ELL: variants seen among roughly 807,000 people sequenced by gnomAD.
ELL encodes the protein RNA polymerase II elongation factor ELL.
A neutral mutation model predicts 64.0 loss-of-function variants in ELL; 18 were observed. That is an observed-to-expected ratio of 0.28 (90% CI 0.19 to 0.42). ELL has a LOEUF of 0.42. Among genes scored for constraint, ELL ranks in the 10% least tolerant of loss-of-function variants. The pLI is 1.00. For missense variants in ELL, 797 were observed against 870.4 expected (o/e 0.92, Z 1.06); for synonymous variants, 399 against 376.2 (o/e 1.06, Z -0.70).
intron 1 of ELL, among the ~76,000 whole-genome samples, chr19:18,483,889 G>C (rs986505025): frequency 2.6e-5 from 4 of 152,208 alleles, no homozygotes; most frequent in Admixed American, 1.3e-4. Context: ...GCATGGCCCA[G>C]GCCTGCTTCC....
Position 18,443,706 on chromosome 19 carries a change from C to T in ELL, c.*1046G>A. ...GCCTGCACCCCCAGAGCAGGCAGAC[C>T]CATCCTCCTGGCTCCCCAGCTCTGC... On this transcript the variant is annotated 3_prime_UTR_variant, in exon 12 of 12. Coordinates refer to ENST00000262809, the MANE Select transcript of ELL (RefSeq NM_006532.4). 4.3e-6 allele frequency: 1 copy of T among 233,252 alleles called. No individual in the cohort carries two copies. Among genetic ancestry groups the T allele is most frequent in the Non-Finnish European group, 8.5e-6 (1 of 117,934 alleles). 14.4% of individuals were successfully genotyped at this position (233,252 alleles called of 1,614,324 possible). A position where few individuals can be genotyped will look rare whatever the true frequency, so the allele number is the denominator to read the frequency against.
Position 18,458,350 on chromosome 19 carries a change from T to G in ELL, c.745-21A>C, listed in dbSNP as rs561148008. On this transcript the variant is annotated intron_variant, in intron 5 of 11. Transcript: ENST00000262809. ...GCCACCTGCAAGACAGAGCCAGCCA[T>G]CACTTTGTGGGAATCCTGAGAGAGA... 7.5e-6 allele frequency: 12 copies of G among 1,603,590 alleles called. No individual in the cohort carries two copies. The South Asian group carries it at 1.3e-4, about 18-fold the overall frequency.
intron 6 of ELL, among the ~76,000 whole-genome samples, chr19:18,451,958 T>G (rs1974549257): frequency 6.6e-6 from 1 of 152,140 alleles, no homozygotes; most frequent in Admixed American, 6.5e-5. Context: ...AAGACAGCTG[T>G]TCATCCTGTT....
In ELL at chr19:18,444,482, G is replaced by C; in HGVS notation, c.*270C>G. 7.0e-6 allele frequency: 3 copies of C among 428,366 alleles called. No individual in the cohort carries two copies. Among genetic ancestry groups the C allele is most frequent in the Non-Finnish European group, 1.3e-5 (3 of 238,690 alleles). 26.5% of individuals were successfully genotyped at this position (428,366 alleles called of 1,614,324 possible). The stretch of plus-strand genomic sequence containing the variant: ...GGCCTAGGAGTCTTCTGGCGAGACA[G>C]GAGGCTGAACCCCGGAGGCTGCAGC... On this transcript the variant is annotated 3_prime_UTR_variant, in exon 12 of 12. Transcript: ENST00000262809.
rs1297816686 is a variant in ELL, at chr19:18,477,797, T to C, written c.136-4915A>G. 2.0e-5 allele frequency among the ~76,000 whole-genome samples: 3 copies of C among 152,304 alleles called. No individual in the cohort carries two copies. In the East Asian group the frequency reaches 5.8e-4, roughly 29 times the overall value. ...GGGAGAGTGACCCTAAATGGACCTA[T>C]GGATTTGCAGAGGATGACGCGGGCA... On this transcript the variant is annotated intron_variant, in intron 1 of 11. Coordinates refer to ENST00000262809, the MANE Select transcript of ELL (RefSeq NM_006532.4).
chr19:18,450,991 G>A lies in ELL; in HGVS notation c.967-16C>T, dbSNP rs372861270. The A allele has an allele frequency of 5.8e-5, 88 of 1,513,526 alleles. No homozygotes were observed. In the East Asian group the frequency reaches 8.2e-4, roughly 14 times the overall value. 93.8% of individuals were successfully genotyped at this position (1,513,526 alleles called of 1,614,324 possible). A position where few individuals can be genotyped will look rare whatever the true frequency, so the allele number is the denominator to read the frequency against. ...GCAGCCGCTTCTGGAGAGGAGCAGA[G>A]ATCATTTTAGAGGGGAGCACAGAGT... On this transcript the variant is annotated splice_polypyrimidine_tract_variant and intron_variant, in intron 7 of 11. Transcript: ENST00000262809.
At chr19:18,471,984 C>CA (rs1285660613) in intron 2 of ELL, among the ~76,000 whole-genome samples, 2 of 151,196 alleles carry the variant, frequency 1.3e-5, no homozygotes, top group African/African-American at 4.9e-5. Context: ...TTTTTTGAGA[C>CA]AGAGTTTCGC....
At position 18,472,885 on chromosome 19, in the gene ELL, A is replaced by AT. The variant is rs775167045; in HGVS notation, c.136-4dup. 34 of 1,452,884 alleles carry AT rather than the reference A, an allele frequency of 2.3e-5. No homozygotes were observed. Among genetic ancestry groups the AT allele is most frequent in the Middle Eastern group, 2.1e-4 (1 of 4,852 alleles). 90.0% of individuals were successfully genotyped at this position (1,452,884 alleles called of 1,614,324 possible). A position where few individuals can be genotyped will look rare whatever the true frequency, so the allele number is the denominator to read the frequency against. On this transcript the variant is annotated splice_region_variant and splice_polypyrimidine_tract_variant and intron_variant, in intron 1 of 11. Transcript: ENST00000262809. ...GATGGCCTCAGTGAAACAGAATCCT[A>AT]TAAAAAAAAAAAAAAAAAAAAAAAG...
chr19:18,513,212 G>A (rs1426336997), intron 1 of ELL, among the ~76,000 whole-genome samples: 3 of 152,138 alleles, frequency 2.0e-5, no homozygotes, highest in African/African-American at 2.4e-5. Context: ...ATGCCAGGCC[G>A]TGGCCTGTGC....
At chr19:18,500,374 T>C (rs1975756613) in intron 1 of ELL, among the ~76,000 whole-genome samples, 1 of 151,976 alleles carries the variant, frequency 6.6e-6, no homozygotes, top group African/African-American at 2.4e-5. Flanking sequence ...GGTTTGTAAA[T>C]GAACCCCACT....
At chr19:18,453,070 G>A (rs10405479) in intron 6 of ELL, among the ~76,000 whole-genome samples, 67,145 of 152,096 alleles carry the variant, frequency 0.44, 16,730 homozygotes, top group African/African-American at 0.69. Flanking sequence ...TCAGGAGTTC[G>A]GGACCAGTCT....
chr19:18,482,158 C>T (rs1975312553), intron 1 of ELL, among the ~76,000 whole-genome samples: 1 of 151,678 alleles, frequency 6.6e-6, no homozygotes, highest in Non-Finnish European at 1.5e-5. Flanking sequence ...ATTCTTCTAG[C>T]TTCAGTGGTG....
chr19:18,509,469 C>CG (rs1413587118), intron 1 of ELL, among the ~76,000 whole-genome samples: 1 of 152,142 alleles, frequency 6.6e-6, no homozygotes, highest in Non-Finnish European at 1.5e-5. Context: ...GGGGTGGCCG[C>CG]CCCCACCCGG....
At chr19:18,518,406 C>A (rs1187111573) in intron 1 of ELL, among the ~76,000 whole-genome samples, 1 of 150,912 alleles carries the variant, frequency 6.6e-6, no homozygotes, top group Non-Finnish European at 1.5e-5. Context: ...GAGACTGAAG[C>A]AGGAGGGTGG....
intron 6 of ELL, among the ~76,000 whole-genome samples, chr19:18,454,430 C>T (rs1174588749): frequency 6.6e-6 from 1 of 151,916 alleles, no homozygotes; most frequent in Non-Finnish European, 1.5e-5. Context: ...ACCCAGGAGG[C>T]GGAGCTAGCA....
intron 1 of ELL, among the ~76,000 whole-genome samples, chr19:18,516,435 T>A (rs1163513046): frequency 3.9e-5 from 6 of 152,196 alleles, no homozygotes; most frequent in African/African-American, 1.4e-4. Context: ...ATCATTAACG[T>A]TGACCGCCGG....
chr19:18,471,650 G>C (rs1321327383), intron 2 of ELL, among the ~76,000 whole-genome samples: 1 of 152,198 alleles, frequency 6.6e-6, no homozygotes. Flanking sequence ...CCTAGATGCA[G>C]GGGAACCTGC....
At chr19:18,487,669 T>C (rs1199889550) in intron 1 of ELL, among the ~76,000 whole-genome samples, 2 of 152,224 alleles carry the variant, frequency 1.3e-5, no homozygotes, top group Non-Finnish European at 2.9e-5. Flanking sequence ...AGCTGCCTGA[T>C]GCTCAGGTTC....
intron 1 of ELL, among the ~76,000 whole-genome samples, chr19:18,486,621 G>A (rs1046303792): frequency 3.9e-5 from 6 of 152,190 alleles, no homozygotes; most frequent in African/African-American, 9.7e-5. Flanking sequence ...CCTGTGTCAC[G>A]TCAGCCGCCT....
Sources: gnomAD v4.1 joint callset for allele counts (sites outside exome capture counted in the v4.1 genomes callset) on GRCh38, gnomAD v4.1.1 for gene constraint, MANE v1.5 for transcripts, NCBI Gene and HGNC (gene_info 2026-07-23, HGNC 2026-07-21) for gene names.